The following LAPTM4B variants were observed in gnomAD, a reference collection of about 807,000 sequenced individuals.
The protein encoded by LAPTM4B is lysosomal protein transmembrane 4 beta.
Under a neutral mutation model 28.5 loss-of-function variants are expected in LAPTM4B, and 26 were observed. The ratio of observed to expected loss-of-function variants is 0.91; its 90% CI spans 0.67 to 1.27. LAPTM4B has a LOEUF of 1.27. Among genes scored for constraint, LAPTM4B ranks in the 50% most tolerant of loss-of-function variants. LAPTM4B has a pLI of 0.00. For missense variants in LAPTM4B, 288 were observed against 285.8 expected (o/e 1.01, Z -0.06); for synonymous variants, 109 against 106.4 (o/e 1.02, Z -0.15).
intron 1 of LAPTM4B, among the ~76,000 whole-genome samples, chr8:97,786,825 A>G (rs995300534): frequency 1.3e-5 from 2 of 152,172 alleles, no homozygotes; most frequent in African/African-American, 4.8e-5. Context: ...TGTGTTGACT[A>G]ACAGTAGTGG....
chr8:97,840,925 G>A lies in LAPTM4B; in HGVS notation c.604-10472G>A, dbSNP rs148641193. 4.6e-4 allele frequency among the ~76,000 whole-genome samples: 67 copies of A among 146,344 alleles called. 1 individual carries two copies. In the East Asian group the frequency reaches 6.0e-3, roughly 13 times the overall value. The stretch of plus-strand genomic sequence containing the variant: ...ATCCCAGATGGGGTGGCAGCCGGGC[G>A]GAGGCCCTCATCACTTCTAGACAGT... On this transcript the variant is annotated intron_variant, in intron 6 of 6. Transcript: ENST00000521545.
chr8:97,844,270 T>A (rs1327340230), intron 6 of LAPTM4B, among the ~76,000 whole-genome samples: 1 of 152,070 alleles, frequency 6.6e-6, no homozygotes, highest in Non-Finnish European at 1.5e-5. Flanking sequence ...TTTTTCTTTT[T>A]TGTTGTTGTT....
chr8:97,776,236 T>A, intron 1 of LAPTM4B, 128 bp downstream of exon 1: 5 of 1,150,760 alleles, frequency 4.3e-6, no homozygotes, highest in Non-Finnish European at 5.7e-6. Context: ...AGAAACTTAA[T>A]TCTCCGGGTG....
chr8:97,817,098 C>A (rs1280694143), intron 4 of LAPTM4B, among the ~76,000 whole-genome samples: 2 of 152,026 alleles, frequency 1.3e-5, no homozygotes, highest in Non-Finnish European at 2.9e-5. Flanking sequence ...ATATTGGTGG[C>A]AGGGTATTAA....
intron 5 of LAPTM4B, among the ~76,000 whole-genome samples, chr8:97,821,752 C>T (rs1817006919): frequency 1.3e-5 from 2 of 152,060 alleles, no homozygotes; most frequent in Admixed American, 6.6e-5. Context: ...GTTTTATGCT[C>T]TGGGCTTAGA....
In LAPTM4B at chr8:97,775,905, CCGGAGCGGCGGAGGAGCCGGCAGCAG is replaced by C. The variant is rs747938474; in HGVS notation, c.-101_-76del. 1.4e-6 allele frequency: 2 copies of C among 1,449,026 alleles called. No individual in the cohort carries two copies. Among genetic ancestry groups the C allele is most frequent in the African/African-American group, 1.5e-5 (1 of 67,162 alleles). 89.8% of individuals were successfully genotyped at this position (1,449,026 alleles called of 1,614,324 possible). ...GGCGCACGGGCGAGCGGGCCGGGAG[CCGGAGCGGCGGAGGAGCCGGCAGCAG>C]CGGCGCGGCGGGCTCCAGGCGAGGC... On this transcript the variant is annotated 5_prime_UTR_variant, in exon 1 of 7. Transcript: ENST00000521545.
At chr8:97,805,325 T>TG in intron 1 of LAPTM4B, 28 bp from the exon 2 acceptor site, 1 of 827,014 alleles carries the variant, frequency 1.2e-6, no homozygotes, top group Non-Finnish European at 1.6e-6. Flanking sequence ...ACTTAAATTC[T>TG]TTTTTTTTTT....
chr8:97,815,590 G>A (rs942184432), intron 3 of LAPTM4B, among the ~76,000 whole-genome samples, 189 bp downstream of exon 3: 53 of 151,476 alleles, frequency 3.5e-4, no homozygotes, highest in African/African-American at 1.3e-3. Context: ...TTGGGAAGAC[G>A]GGGTCTCACT....
intron 1 of LAPTM4B, among the ~76,000 whole-genome samples, chr8:97,782,437 C>T (rs1361412983): frequency 6.6e-6 from 1 of 151,466 alleles, no homozygotes; most frequent in East Asian, 2.0e-4. Flanking sequence ...CACTCCACAC[C>T]ACTCCAGGCT....
At chr8:97,777,363 G>A (rs937779992) in intron 1 of LAPTM4B, among the ~76,000 whole-genome samples, 2 of 151,832 alleles carry the variant, frequency 1.3e-5, no homozygotes, top group Non-Finnish European at 2.9e-5. Context: ...GGCCAGGCTG[G>A]TCTCGAACTG....
chr8:97,825,274 A>G lies in LAPTM4B; in HGVS notation c.603+121A>G, dbSNP rs2129813746. 12 of 528,206 alleles carry G rather than the reference A, an allele frequency of 2.3e-5. No homozygotes were observed. The East Asian group carries it at 3.4e-4, about 15-fold the overall frequency. The allele number at this position is 528,206 out of a possible 1,614,324, so 32.7% of individuals were successfully genotyped here. On this transcript the variant is annotated intron_variant, in intron 6 of 6. Transcript: ENST00000521545. The stretch of plus-strand genomic sequence containing the variant: ...ACTGAAACATACTCATGAGCTGCTT[A>G]GTTATCAAAAGATTCATCTTAGTTA...
rs1816767439 is a variant in LAPTM4B at position 97,807,142 on chromosome 8, G to T, written c.211+1678G>T. On this transcript the variant is annotated intron_variant, in intron 2 of 6. Transcript: ENST00000521545. ...AGGTGTAGGCTCCGAAGCCAGAAGA[G>T]GTCAGTTTGAGTTCTGACACCGCCG... 2.0e-5 allele frequency among the ~76,000 whole-genome samples: 3 copies of T among 152,198 alleles called. No individual in the cohort carries two copies. In the South Asian group the frequency reaches 6.2e-4, roughly 32 times the overall value.
At chr8:97,815,508 CTCTG>C (rs1241252981) in intron 3 of LAPTM4B, 107 bp downstream of exon 3, 5 of 803,094 alleles carry the variant, frequency 6.2e-6, no homozygotes, top group Non-Finnish European at 1.0e-5. Flanking sequence ...TGTTAAGAAT[CTCTG>C]TTTAAATCTC....
At position 97,844,375 on chromosome 8, in the gene LAPTM4B, A is replaced by G. The variant is rs78910038; in HGVS notation, c.604-7022A>G. Among the ~76,000 whole-genome samples the G allele has an allele frequency of 2.7e-3, 405 of 152,252 alleles. 9 individuals carry two copies. The East Asian group carries it at 0.052, about 20-fold the overall frequency. ...GCCTCCCAAAGTGCTGGGATTACAAATGTGAGCTTCTGCATCCCGCCAATG... is the reference window on the plus strand; with the variant it reads ...GCCTCCCAAAGTGCTGGGATTACAAGTGTGAGCTTCTGCATCCCGCCAATG... On this transcript the variant is annotated intron_variant, in intron 6 of 6. Coordinates refer to ENST00000521545, the MANE Select transcript of LAPTM4B (RefSeq NM_018407.6).
At chr8:97,813,118 A>G (rs1057180809) in intron 2 of LAPTM4B, among the ~76,000 whole-genome samples, 1 of 152,252 alleles carries the variant, frequency 6.6e-6, no homozygotes, top group African/African-American at 2.4e-5. Context: ...TATGACCACA[A>G]GGTAAAGTCC....
At position 97,815,314 on chromosome 8, in the gene LAPTM4B, T is replaced by A. The variant is rs758526545; in HGVS notation, c.212-14T>A. The A allele has an allele frequency of 6.3e-6, 10 of 1,595,836 alleles. No individual in the cohort carries two copies. The Admixed American group carries it at 6.7e-5, about 11-fold the overall frequency. The stretch of plus-strand genomic sequence containing the variant: ...TTGTCTTTTTTAAAGAAATTCTTTT[T>A]AATCTTTCGGCAGACATGTGCATTG... On this transcript the variant is annotated splice_polypyrimidine_tract_variant and intron_variant, in intron 2 of 6. Transcript: ENST00000521545.
In LAPTM4B at chr8:97,840,851, C is replaced by T. The variant is rs936621387; in HGVS notation, c.604-10546C>T. Among the ~76,000 whole-genome samples the T allele has an allele frequency of 9.9e-4, 139 of 139,850 alleles. 2 individuals are homozygous for T. The highest frequency in any genetic ancestry group is 3.9e-3 in the African/African-American group (139 of 35,548). 91.7% of individuals were successfully genotyped at this position (139,850 alleles called of 152,430 possible). ...AGATGGTGGGGCGGCCGGGCAGAGG[C>T]GCTCCTCACTTCCCAGACGGTGGGT... On this transcript the variant is annotated intron_variant, in intron 6 of 6. Transcript: ENST00000521545.
chr8:97,836,381 A>C (rs1817260190), intron 6 of LAPTM4B, among the ~76,000 whole-genome samples: 2 of 152,106 alleles, frequency 1.3e-5, no homozygotes, highest in African/African-American at 4.8e-5. Context: ...GGGTTTCACC[A>C]TATTGATCAG....
intron 6 of LAPTM4B, among the ~76,000 whole-genome samples, chr8:97,847,888 G>A (rs547542350): frequency 5.8e-4 from 88 of 152,314 alleles, no homozygotes; most frequent in African/African-American, 2.1e-3. Flanking sequence ...TTTAATGAAA[G>A]GAGAAATTCT....
Sources: gnomAD v4.1 joint callset for allele counts (sites outside exome capture counted in the v4.1 genomes callset) on GRCh38, gnomAD v4.1.1 for gene constraint, MANE v1.5 for transcripts, NCBI Gene and HGNC (gene_info 2026-07-23, HGNC 2026-07-21) for gene names.